ASTN2: variants seen among roughly 807,000 people sequenced by gnomAD.
The protein encoded by ASTN2 is astrotactin 2.
In ASTN2, 54 loss-of-function variants were observed where a neutral mutation model predicts 139.8. That is an observed-to-expected ratio of 0.39 (90% CI 0.31 to 0.48). The LOEUF (loss-of-function observed/expected upper bound fraction) is 0.48. Among genes scored for constraint, ASTN2 ranks in the 20% least tolerant of loss-of-function variants. The pLI is 0.95. For synonymous variants in ASTN2, 756 were observed against 719.5 expected (o/e 1.05, Z -0.81); for missense variants, 1,565 against 1,725.1 (o/e 0.91, Z 1.64).
intron 1 of ASTN2, among the ~76,000 whole-genome samples, chr9:117,299,991 A>G (rs1162120664): frequency 6.6e-6 from 1 of 152,222 alleles, no homozygotes; most frequent in African/African-American, 2.4e-5. Context: ...AGTCTGGCCT[A>G]CTTACATCAC....
chr9:116,487,581 A>AGAC, intron 19 of ASTN2, 81 bp from the exon 20 acceptor site: 1 of 1,370,212 alleles, frequency 7.3e-7, no homozygotes, highest in Non-Finnish European at 9.8e-7. Context: ...AAACCTATCA[A>AGAC]ATGTCTTGAT....
At chr9:117,357,091 T>C (rs1829560157) in intron 1 of ASTN2, among the ~76,000 whole-genome samples, 1 of 152,000 alleles carries the variant, frequency 6.6e-6, no homozygotes, top group South Asian at 2.1e-4. Flanking sequence ...GAATTGAATA[T>C]GAAGCATGTG....
chr9:117,248,612 C>T (rs930500783), intron 2 of ASTN2, among the ~76,000 whole-genome samples: 7 of 152,140 alleles, frequency 4.6e-5, no homozygotes, highest in Non-Finnish European at 1.0e-4. Context: ...GCTGGAACCG[C>T]AATACTGTTG....
At chr9:116,632,706 T>C (rs186329859) in intron 17 of ASTN2, among the ~76,000 whole-genome samples, 1 of 152,312 alleles carries the variant, frequency 6.6e-6, no homozygotes, top group Admixed American at 6.5e-5. Context: ...CTATCTTTAA[T>C]CAAATTGTAC....
At chr9:116,555,521 C>A (rs911526358) in intron 19 of ASTN2, among the ~76,000 whole-genome samples, 2 of 152,098 alleles carry the variant, frequency 1.3e-5, no homozygotes, top group African/African-American at 2.4e-5. Context: ...CGACTCTGTG[C>A]GGTCCACCTC....
At chr9:116,824,383 GTCTC>G (rs200823516) in intron 11 of ASTN2, among the ~76,000 whole-genome samples, 1 of 56,490 alleles carries the variant, frequency 1.8e-5, no homozygotes, top group African/African-American at 5.6e-5. Flanking sequence ...CCCTCTGTCT[GTCTC>G]TCTCTCTCTC....
intron 13 of ASTN2, among the ~76,000 whole-genome samples, chr9:116,746,375 C>A (rs1185022389): frequency 2.6e-5 from 4 of 152,112 alleles, no homozygotes; most frequent in African/African-American, 4.8e-5. Flanking sequence ...CTTGAGCCAC[C>A]ATGCCCGGCC....
chr9:116,680,665 G>A (rs1237847430), intron 16 of ASTN2, among the ~76,000 whole-genome samples: 1 of 152,152 alleles, frequency 6.6e-6, no homozygotes, highest in Non-Finnish European at 1.5e-5. Flanking sequence ...ACATCAAAAA[G>A]CGTATCCACC....
chr9:117,376,911 C>G (rs1830139371), intron 1 of ASTN2, among the ~76,000 whole-genome samples: 1 of 152,144 alleles, frequency 6.6e-6, no homozygotes, highest in East Asian at 1.9e-4. Context: ...TGAAGACAGA[C>G]CGCTAGCTGT....
chr9:117,414,792 G>T lies in ASTN2; in HGVS notation c.147C>A (p.Ala49=). 8.1e-7 allele frequency: 1 copy of T among 1,240,568 alleles called. No individual in the cohort carries two copies. The highest frequency in any genetic ancestry group is 4.3e-5 in the Admixed American group (1 of 23,398). 76.8% of individuals were successfully genotyped at this position (1,240,568 alleles called of 1,614,324 possible). Residue 49 remains alanine (A), a synonymous_variant, in exon 1 of 23, where the codon GCC becomes GCA. Transcript: ENST00000313400. The surrounding 1 kb of genome is among the most constrained non-coding windows in gnomAD (Gnocchi z 4.2). The part of the protein sequence containing the change: ...LLLLPPPPLL[A]GATAAASREP... Reference sequence around the variant, plus strand: ...CCCGCGAGGCAGCGGCGGTGGCGCCGGCCAGCAGCGGCGGCGGCGGCAGCA... The same window carrying T: ...CCCGCGAGGCAGCGGCGGTGGCGCCTGCCAGCAGCGGCGGCGGCGGCAGCA...
At chr9:117,172,883 C>T (rs1830827073) in intron 3 of ASTN2, among the ~76,000 whole-genome samples, 1 of 152,136 alleles carries the variant, frequency 6.6e-6, no homozygotes, top group Non-Finnish European at 1.5e-5. Context: ...TCATCCCACA[C>T]TTTGGCCACC....
At chr9:116,822,343 T>A (rs2132272388) in intron 11 of ASTN2, among the ~76,000 whole-genome samples, 1 of 152,302 alleles carries the variant, frequency 6.6e-6, no homozygotes, top group South Asian at 2.1e-4. Context: ...TTTGTCAAGC[T>A]GCAGAAAGGT....
At chr9:117,041,757 G>A (rs1404203792) in intron 5 of ASTN2, among the ~76,000 whole-genome samples, 1 of 152,170 alleles carries the variant, frequency 6.6e-6, no homozygotes, top group Non-Finnish European at 1.5e-5. Flanking sequence ...GACTAGCAGG[G>A]CTGAATTACT....
intron 10 of ASTN2, among the ~76,000 whole-genome samples, chr9:116,931,947 G>A (rs1284694127): frequency 6.6e-6 from 1 of 152,156 alleles, no homozygotes; most frequent in East Asian, 1.9e-4. Context: ...ACAAAGGGAT[G>A]GAGAAGAATA....
At chr9:117,383,341 C>G (rs988172149) in intron 1 of ASTN2, among the ~76,000 whole-genome samples, 1 of 152,126 alleles carries the variant, frequency 6.6e-6, no homozygotes, top group Non-Finnish European at 1.5e-5. Flanking sequence ...AGATATCAGA[C>G]CAGTGGGTGC....
chr9:116,751,930 A>T (rs969159838), intron 13 of ASTN2, among the ~76,000 whole-genome samples: 2 of 152,154 alleles, frequency 1.3e-5, no homozygotes, highest in Admixed American at 6.6e-5. Context: ...TTCCAACTTG[A>T]TCTATAGATT....
chr9:116,769,862 T>C (rs138991027), intron 13 of ASTN2, among the ~76,000 whole-genome samples: 26 of 152,004 alleles, frequency 1.7e-4, no homozygotes, highest in Non-Finnish European at 2.2e-4. Flanking sequence ...CTGGGCAACA[T>C]AGCAAGACCC....
intron 2 of ASTN2, among the ~76,000 whole-genome samples, chr9:117,260,377 G>A (rs747222679): frequency 7.9e-5 from 12 of 152,100 alleles, no homozygotes; most frequent in African/African-American, 1.7e-4. Context: ...ACATCTCACC[G>A]TTCCACTCTA....
At chr9:116,831,008 G>C (rs1436218821) in intron 11 of ASTN2, among the ~76,000 whole-genome samples, 1 of 150,826 alleles carries the variant, frequency 6.6e-6, no homozygotes, top group African/African-American at 2.4e-5. Context: ...AATACTACTA[G>C]GGCATAAAAA....
Sources: allele counts gnomAD v4.1 joint callset (sites outside exome capture counted in the v4.1 genomes callset), GRCh38; gene constraint gnomAD v4.1.1; non-coding constraint Gnocchi (gnomAD v3.1); transcripts MANE v1.5; gene names NCBI Gene and HGNC (gene_info 2026-07-23, HGNC 2026-07-21).